The following RIMS4 variants were observed in gnomAD, a reference collection of about 807,000 sequenced individuals.
RIMS4 encodes the protein regulating synaptic membrane exocytosis protein 4.
RIMS4 carries 9 observed loss-of-function variants against 29.0 expected under a neutral mutation model. The ratio of observed to expected loss-of-function variants is 0.31; its 90% CI spans 0.19 to 0.54. RIMS4 has a LOEUF of 0.54. RIMS4 is among the 20% of genes least tolerant of loss of function. The pLI is 0.94. For synonymous variants in RIMS4, 130 were observed against 152.9 expected, an observed-to-expected ratio of 0.85 and a Z score of 1.10; for missense variants, 193 against 365.7, an observed-to-expected ratio of 0.53 and a Z score of 3.85.
chr20:44,800,294 A>C (rs1348275040), intron 1 of RIMS4, among the ~76,000 whole-genome samples: 1 of 152,140 alleles, frequency 6.6e-6, no homozygotes, highest in African/African-American at 2.4e-5. Flanking sequence ...ATAGCTGAGT[A>C]GAAGGGAGAT....
rs572129154 is a variant in RIMS4 at position 44,809,698 on chromosome 20, G to A, written c.97+477C>T. Among the ~76,000 whole-genome samples the A allele has an allele frequency of 2.6e-5, 4 of 152,256 alleles. No homozygotes were observed. In the East Asian group the frequency reaches 5.8e-4, roughly 22 times the overall value. On this transcript the variant is annotated intron_variant, in intron 1 of 5. Transcript: ENST00000372851. The stretch of plus-strand genomic sequence containing the variant: ...GGGGGCGCTCAAGGCCTGGGGCGCC[G>A]GGCAGGGGTCTTGGGCAGGGATCCT...
chr20:44,757,172 G>A, intron 4 of RIMS4, 135 bp from the exon 5 acceptor site: 1 of 956,064 alleles, frequency 1.0e-6, no homozygotes. Context: ...GACGCACCAG[G>A]ACACATGGGG....
At chr20:44,799,905 A>C (rs142824729) in intron 1 of RIMS4, among the ~76,000 whole-genome samples, 3 of 152,334 alleles carry the variant, frequency 2.0e-5, no homozygotes, top group African/African-American at 7.2e-5. Context: ...TAACACTCTT[A>C]AGACACTTTC....
Position 44,756,690 on chromosome 20 carries a change from G to A in RIMS4, c.591+208C>T, listed in dbSNP as rs987059428. Among the ~76,000 whole-genome samples, 1 of 152,142 alleles carries A rather than the reference G, an allele frequency of 6.6e-6. No individual in the cohort carries two copies. Among genetic ancestry groups the A allele is most frequent in the Non-Finnish European group, 1.5e-5 (1 of 68,010 alleles). On this transcript the variant is annotated intron_variant, in intron 5 of 5. Transcript: ENST00000372851. This position sits in a 1 kb window ranked among gnomAD's most constrained non-coding sequence, Gnocchi z 5.9. ...TTAGGGTCCCCGCTTTACAGATGAA[G>A]GAACTGAGGGTCAGAAGGGAACTTG...
At chr20:44,770,170 T>C (rs2066130680) in intron 2 of RIMS4, among the ~76,000 whole-genome samples, 1 of 152,162 alleles carries the variant, frequency 6.6e-6, no homozygotes, top group Non-Finnish European at 1.5e-5. Flanking sequence ...TCCCTGACTT[T>C]AGACGATAGC....
At chr20:44,759,105 T>G (rs964345192) in intron 2 of RIMS4, among the ~76,000 whole-genome samples, 1 of 152,220 alleles carries the variant, frequency 6.6e-6, no homozygotes, top group Non-Finnish European at 1.5e-5. Flanking sequence ...TGTTCCCATC[T>G]CCTAGGTCTG....
At chr20:44,765,119 T>C (rs1003212294) in intron 2 of RIMS4, among the ~76,000 whole-genome samples, 1 of 152,202 alleles carries the variant, frequency 6.6e-6, no homozygotes. Flanking sequence ...AGGCACAGAA[T>C]TGTTAAGTAA....
intron 1 of RIMS4, 80 bp from the exon 2 acceptor site, chr20:44,771,493 C>T: frequency 1.3e-6 from 2 of 1,494,620 alleles, no homozygotes; most frequent in African/African-American, 1.4e-5. Flanking sequence ...ATCTGGTTAG[C>T]AGTGTTTCAG....
chr20:44,773,207 T>C (rs1286383607), intron 1 of RIMS4, among the ~76,000 whole-genome samples: 1 of 152,148 alleles, frequency 6.6e-6, no homozygotes, highest in Non-Finnish European at 1.5e-5. Flanking sequence ...TATACACATC[T>C]TCCCTGCGTG....
chr20:44,799,338 C>T (rs1430236983), intron 1 of RIMS4, among the ~76,000 whole-genome samples: 1 of 152,066 alleles, frequency 6.6e-6, no homozygotes, highest in East Asian at 1.9e-4. Context: ...TAGAGCCACA[C>T]ACCTGACTCC....
intron 2 of RIMS4, among the ~76,000 whole-genome samples, chr20:44,770,032 C>T (rs139425243): frequency 2.6e-5 from 4 of 152,346 alleles, no homozygotes; most frequent in Admixed American, 6.5e-5. Context: ...AATAGAAGAA[C>T]AGAAAGTTTC....
chr20:44,763,426 G>A (rs949350554), intron 2 of RIMS4, among the ~76,000 whole-genome samples: 3 of 152,236 alleles, frequency 2.0e-5, no homozygotes, highest in African/African-American at 7.2e-5. Context: ...TGGCCTGGGA[G>A]AGCCTCCTTG....
Position 44,797,989 on chromosome 20 carries a change from T to C in RIMS4, c.97+12186A>G, listed in dbSNP as rs368066293. 9.2e-5 allele frequency among the ~76,000 whole-genome samples: 14 copies of C among 152,358 alleles called. No homozygotes were observed. The East Asian group carries it at 1.5e-3, about 17-fold the overall frequency. On this transcript the variant is annotated intron_variant, in intron 1 of 5. Coordinates refer to ENST00000372851, the MANE Select transcript of RIMS4 (RefSeq NM_182970.4). Reference sequence around the variant, plus strand: ...GAGATCTCAAACCCAGGTTTCTTTATGACAAATCCAGGGCTCATCCCACGA... The same window carrying C: ...GAGATCTCAAACCCAGGTTTCTTTACGACAAATCCAGGGCTCATCCCACGA...
intron 1 of RIMS4, among the ~76,000 whole-genome samples, chr20:44,772,567 G>A (rs896996870): frequency 6.6e-6 from 1 of 152,188 alleles, no homozygotes; most frequent in South Asian, 2.1e-4. Flanking sequence ...ACTTGTCCAC[G>A]CCCATAGAGC....
At position 44,755,519 on chromosome 20, in the gene RIMS4, G is replaced by A. The variant is rs1426590399; in HGVS notation, c.*615C>T. ...TGAACCCCAATTCCTAGAGCCACCA[G>A]AAGAGGGGCAGGCAGGAGGGGACGG... On this transcript the variant is annotated 3_prime_UTR_variant, in exon 6 of 6. Transcript: ENST00000372851. The A allele has an allele frequency of 1.3e-5, 2 of 153,194 alleles. No individual in the cohort carries two copies. Among genetic ancestry groups the A allele is most frequent in the Non-Finnish European group, 2.9e-5 (2 of 68,464 alleles). The allele number at this position is 153,194 out of a possible 1,614,324, so 9.5% of individuals were successfully genotyped here.
chr20:44,781,285 G>C (rs564356342), intron 1 of RIMS4, among the ~76,000 whole-genome samples: 4 of 152,326 alleles, frequency 2.6e-5, no homozygotes, highest in East Asian at 1.9e-4. Context: ...GGCAAGTAAA[G>C]GGGCAATTGT....
rs1370026776 is a variant in RIMS4 at position 44,755,570 on chromosome 20, C to G, written c.*564G>C. 6.5e-6 allele frequency: 1 copy of G among 153,902 alleles called. No homozygotes were observed. The highest frequency in any genetic ancestry group is 1.5e-5 in the Non-Finnish European group (1 of 68,894). 9.5% of individuals were successfully genotyped at this position (153,902 alleles called of 1,614,324 possible). A position where few individuals can be genotyped will look rare whatever the true frequency, so the allele number is the denominator to read the frequency against. ...ACGGATGGACTCGGACAGGCTGCGG[C>G]AAAGCTCCTTCCACGGGCAGGCAGA... On this transcript the variant is annotated 3_prime_UTR_variant, in exon 6 of 6. Coordinates refer to ENST00000372851, the MANE Select transcript of RIMS4 (RefSeq NM_182970.4).
chr20:44,790,331 A>C (rs945385510), intron 1 of RIMS4, among the ~76,000 whole-genome samples: 1 of 152,308 alleles, frequency 6.6e-6, no homozygotes, highest in East Asian at 1.9e-4. Flanking sequence ...AATAATAATG[A>C]AGGCATGCTC....
chr20:44,758,803 C>T (rs911091841), intron 2 of RIMS4, among the ~76,000 whole-genome samples: 5 of 152,154 alleles, frequency 3.3e-5, no homozygotes, highest in Admixed American at 2.6e-4. Flanking sequence ...GGGAGTGAGA[C>T]GCTCTCTTTC....
Sources: gnomAD v4.1 joint callset for allele counts (sites outside exome capture counted in the v4.1 genomes callset) on GRCh38, gnomAD v4.1.1 for gene constraint, Gnocchi (gnomAD v3.1) non-coding constraint, MANE v1.5 for transcripts, NCBI Gene and HGNC (gene_info 2026-07-23, HGNC 2026-07-21) for gene names.